The following BCL11B variants were observed in gnomAD, a reference collection of about 807,000 sequenced individuals.
BCL11B encodes the protein B-cell lymphoma/leukemia 11B.
BCL11B carries 8 observed loss-of-function variants against 49.9 expected under a neutral mutation model. The ratio of observed to expected loss-of-function variants is 0.16; its 90% CI spans 0.09 to 0.29. BCL11B has a LOEUF of 0.29. BCL11B is among the 10% of genes least tolerant of loss of function. BCL11B has a pLI of 1.00. For missense variants in BCL11B, 1,006 were observed against 1,351.0 expected, an observed-to-expected ratio of 0.74 and a Z score of 4.00; for synonymous variants, 739 against 637.4, an observed-to-expected ratio of 1.16 and a Z score of -2.40.
chr14:99,263,435 C>T (rs535147374), intron 1 of BCL11B, among the ~76,000 whole-genome samples: 12 of 152,300 alleles, frequency 7.9e-5, no homozygotes, highest in African/African-American at 2.9e-4. Flanking sequence ...CCGCTGACTC[C>T]GCCAGCAGCG....
chr14:99,181,777 A>C (rs1488328068), intron 3 of BCL11B, among the ~76,000 whole-genome samples: 1 of 152,114 alleles, frequency 6.6e-6, no homozygotes, highest in Non-Finnish European at 1.5e-5. Context: ...GGGATGGGAA[A>C]CCAGATCCCA....
intron 3 of BCL11B, among the ~76,000 whole-genome samples, chr14:99,199,679 TGTGTGC>T (rs1472866097): frequency 1.0e-3 from 73 of 69,956 alleles, no homozygotes; most frequent in Non-Finnish European, 1.0e-3. Flanking sequence ...TGTGTGTGTG[TGTGTGC>T]GCGCGCGCGC....
In BCL11B at chr14:99,247,006, C is replaced by T. The variant is rs891138532; in HGVS notation, c.427+10465G>A. Among the ~76,000 whole-genome samples, 9 of 152,194 alleles carry T rather than the reference C, an allele frequency of 5.9e-5. No homozygotes were observed. The highest frequency in any genetic ancestry group is 1.2e-4 in the Non-Finnish European group (8 of 67,996). ...CAGTGACCCAGGCCCCAGAGGGCTC[C>T]GCAGCCTGGAGCCTCGCGTCCCGCC... On this transcript the variant is annotated intron_variant, in intron 2 of 3. Transcript: ENST00000357195. This position sits in a 1 kb window ranked among gnomAD's most constrained non-coding sequence, Gnocchi z 4.5.
rs1886517371 is a variant in BCL11B, at chr14:99,176,066, C to T, written c.770G>A (p.Ser257Asn). The change falls in exon 4 of 4, where the codon AGC becomes AAC. Residue 257 changes from serine (S) to asparagine (N), a missense_variant. Physicochemically the swap from Ser to Asn is conservative, Grantham distance 46. Around this residue, in one of 6 missense-constraint regions of BCL11B, gnomAD observed 411 missense variants for 542.2 expected, o/e 0.76. Coordinates refer to ENST00000357195, the MANE Select transcript of BCL11B (RefSeq NM_138576.4). ...GATGGTGAGCCGCGGCGTGAGCGAGCTGCTGGCCGGCCCGGGCTCCAGGTA... is the reference window on the plus strand; with the variant it reads ...GATGGTGAGCCGCGGCGTGAGCGAGTTGCTGGCCGGCCCGGGCTCCAGGTA... ...RIYLEPGPAS[S>N]SLTPRLTIPP... The T allele has an allele frequency of 2.5e-6, 4 of 1,603,850 alleles. No homozygotes were observed. Among genetic ancestry groups the T allele is most frequent in the Non-Finnish European group, 3.4e-6 (4 of 1,175,060 alleles).
chr14:99,200,235 G>A (rs1227183870), intron 3 of BCL11B, among the ~76,000 whole-genome samples: 2 of 152,212 alleles, frequency 1.3e-5, no homozygotes, highest in Non-Finnish European at 2.9e-5. Flanking sequence ...AGAGCCTGCT[G>A]TCCTGGTGCA....
At chr14:99,259,376 T>C (rs1199917130) in intron 1 of BCL11B, among the ~76,000 whole-genome samples, 1 of 152,228 alleles carries the variant, frequency 6.6e-6, no homozygotes, top group Middle Eastern at 3.2e-3. Flanking sequence ...CTGTTCTCTA[T>C]TTTCTGAACA....
chr14:99,204,270 G>T (rs550954085), intron 3 of BCL11B, among the ~76,000 whole-genome samples: 1 of 152,284 alleles, frequency 6.6e-6, no homozygotes, highest in East Asian at 1.9e-4. Context: ...CTGTGGACTC[G>T]TCTTTCCAGG....
At chr14:99,244,121 T>G (rs114157814) in intron 2 of BCL11B, among the ~76,000 whole-genome samples, 9 of 152,064 alleles carry the variant, frequency 5.9e-5, no homozygotes. Context: ...TCCACCACAC[T>G]GTCCAAGCCT....
At position 99,194,837 on chromosome 14, in the gene BCL11B, C is replaced by T. The variant is rs987453904; in HGVS notation, c.641-18642G>A. Among the ~76,000 whole-genome samples, 1 of 152,178 alleles carries T rather than the reference C, an allele frequency of 6.6e-6. No homozygotes were observed. The highest frequency in any genetic ancestry group is 1.5e-5 in the Non-Finnish European group (1 of 68,024). On this transcript the variant is annotated intron_variant, in intron 3 of 3. Transcript: ENST00000357195. The surrounding 1 kb of genome is among the most constrained non-coding windows in gnomAD (Gnocchi z 4.6). ...CAGACAGGCCTGAACCACGGGCACC[C>T]GACCAGTAGGACCTTGGTCAGTCCT...
At chr14:99,238,339 G>A (rs1227038766) in intron 2 of BCL11B, among the ~76,000 whole-genome samples, 2 of 152,304 alleles carry the variant, frequency 1.3e-5, no homozygotes, top group African/African-American at 2.4e-5. Flanking sequence ...TTTAGAGGCA[G>A]GCACGCTTGG....
chr14:99,215,985 T>C (rs1887823029), intron 3 of BCL11B, among the ~76,000 whole-genome samples: 1 of 152,092 alleles, frequency 6.6e-6, no homozygotes, highest in African/African-American at 2.4e-5. Flanking sequence ...GCCCCGTGGA[T>C]CCCGGAAAGC....
In BCL11B at chr14:99,174,136, C is replaced by T. The variant is rs978705292; in HGVS notation, c.*15G>A. On this transcript the variant is annotated 3_prime_UTR_variant, in exon 4 of 4. Transcript: ENST00000357195. Reference sequence around the variant, plus strand: ...GGTTCCACTGTACAGGTGCGGGGCGCCGGGGCCCGCGCGCTTAGCTCCTCT... The same window carrying T: ...GGTTCCACTGTACAGGTGCGGGGCGTCGGGGCCCGCGCGCTTAGCTCCTCT... The T allele has an allele frequency of 3.1e-6, 5 of 1,608,350 alleles. No homozygotes were observed. Among genetic ancestry groups the T allele is most frequent in the Admixed American group, 3.3e-5 (2 of 59,996 alleles).
At position 99,171,649 on chromosome 14, in the gene BCL11B, CT is replaced by C. The variant is rs1886293823; in HGVS notation, c.*2501del. ...TGCAAAGCAATAACAATATTAAGCA[CT>C]TTTTTTCTACATACTTTTTCTACAT... On this transcript the variant is annotated 3_prime_UTR_variant, in exon 4 of 4. Coordinates refer to ENST00000357195, the MANE Select transcript of BCL11B (RefSeq NM_138576.4). The C allele has an allele frequency of 1.4e-5, 3 of 208,190 alleles. No individual in the cohort carries two copies. Among genetic ancestry groups the C allele is most frequent in the East Asian group, 7.3e-5 (1 of 13,626 alleles). 12.9% of individuals were successfully genotyped at this position (208,190 alleles called of 1,614,324 possible).
intron 3 of BCL11B, among the ~76,000 whole-genome samples, chr14:99,229,363 AGAGCCC>A (rs1237234835): frequency 0.019 from 2,953 of 152,270 alleles, 103 homozygotes; most frequent in African/African-American, 0.067. Flanking sequence ...TGCTGATGGC[AGAGCCC>A]CCCAGAGCCA....
chr14:99,267,120 C>T (rs1889506013), intron 1 of BCL11B, among the ~76,000 whole-genome samples: 1 of 152,114 alleles, frequency 6.6e-6, no homozygotes, highest in African/African-American at 2.4e-5. Context: ...AACCAGCTAA[C>T]CCAGCCTCGA....
chr14:99,251,538 C>A (rs868110865), intron 2 of BCL11B, among the ~76,000 whole-genome samples: 5 of 152,058 alleles, frequency 3.3e-5, no homozygotes, highest in African/African-American at 9.7e-5. Context: ...GTCTATGCAA[C>A]AGTGAATATA....
At chr14:99,177,580 C>T (rs1886575523) in intron 3 of BCL11B, among the ~76,000 whole-genome samples, 1 of 144,170 alleles carries the variant, frequency 6.9e-6, no homozygotes, top group African/African-American at 2.6e-5. Flanking sequence ...AATCCCAGCT[C>T]AGATCCAGCA....
chr14:99,267,551 C>CCCG (rs1431157652), intron 1 of BCL11B, among the ~76,000 whole-genome samples: 2 of 149,604 alleles, frequency 1.3e-5, no homozygotes, highest in Non-Finnish European at 3.0e-5. Flanking sequence ...TTCACCCCCC[C>CCCG]CCCACCAACT....
rs1327687904 is a variant in BCL11B at position 99,271,289 on chromosome 14, G to A, written c.-71C>T. 1.5e-5 allele frequency: 18 copies of A among 1,185,320 alleles called. No homozygotes were observed. Among genetic ancestry groups the A allele is most frequent in the Non-Finnish European group, 1.9e-5 (18 of 948,878 alleles). 73.4% of individuals were successfully genotyped at this position (1,185,320 alleles called of 1,614,324 possible). A position where few individuals can be genotyped will look rare whatever the true frequency, so the allele number is the denominator to read the frequency against. On this transcript the variant is annotated 5_prime_UTR_variant, in exon 1 of 4. Coordinates refer to ENST00000357195, the MANE Select transcript of BCL11B (RefSeq NM_138576.4). ...GGGGGAGCCGGGGGAGGGGGTCCGA[G>A]CCGCCGCCGCGCCGCTGCCGCCGCT...
Sources: allele counts gnomAD v4.1 joint callset (sites outside exome capture counted in the v4.1 genomes callset), GRCh38; gene constraint gnomAD v4.1.1; regional missense constraint gnomAD v4.1.1; non-coding constraint Gnocchi (gnomAD v3.1); transcripts MANE v1.5; gene names NCBI Gene and HGNC (gene_info 2026-07-23, HGNC 2026-07-21).